DLGAP2: variants seen among roughly 807,000 people sequenced by gnomAD.
DLGAP2 encodes disks large-associated protein 2.
In DLGAP2, 26 loss-of-function variants were observed where a neutral mutation model predicts 100.3. The observed-to-expected ratio is 0.26, with a 90% CI of 0.19 to 0.36. The LOEUF (loss-of-function observed/expected upper bound fraction) is 0.36. Among genes scored for constraint, DLGAP2 ranks in the 10% least tolerant of loss-of-function variants. The probability of loss-of-function intolerance (pLI) is 1.00; values close to 1 mark genes in which losing one functional copy is unlikely to be tolerated. For synonymous variants in DLGAP2, 886 were observed against 630.1 expected (o/e 1.41, Z -6.08); for missense variants, 1,858 against 1,453.2 (o/e 1.28, Z -4.53).
At chr8:1,454,520 A>G (rs974410037) in intron 3 of DLGAP2, among the ~76,000 whole-genome samples, 1 of 152,202 alleles carries the variant, frequency 6.6e-6, no homozygotes, top group Non-Finnish European at 1.5e-5. Context: ...GGAGAGGAGC[A>G]GAAAACACTG....
At chr8:1,331,837 G>A (rs905084125) in intron 3 of DLGAP2, among the ~76,000 whole-genome samples, 1 of 152,174 alleles carries the variant, frequency 6.6e-6, no homozygotes, top group African/African-American at 2.4e-5. Flanking sequence ...AGGAGCAGAG[G>A]GAGAGTGGCT....
chr8:1,671,999 C>T (rs1483056331), intron 10 of DLGAP2, among the ~76,000 whole-genome samples: 2 of 152,196 alleles, frequency 1.3e-5, no homozygotes, highest in East Asian at 1.9e-4. Context: ...TTTGTGTATT[C>T]ACTTTCGTTT....
chr8:1,286,026 A>G (rs1317769305), intron 3 of DLGAP2, among the ~76,000 whole-genome samples: 7 of 152,040 alleles, frequency 4.6e-5, no homozygotes, highest in South Asian at 2.1e-4. Context: ...ACCAACTGAT[A>G]TGGTTTGGAT....
chr8:927,114 G>A, intron 2 of DLGAP2: 8 of 985,460 alleles, frequency 8.1e-6, no homozygotes, highest in Non-Finnish European at 9.6e-6. Flanking sequence ...AAAGACTTCG[G>A]AGCAAACTAA....
intron 6 of DLGAP2, among the ~76,000 whole-genome samples, chr8:1,593,307 T>C (rs1174514950): frequency 1.3e-5 from 2 of 151,584 alleles, no homozygotes; most frequent in East Asian, 3.9e-4. Context: ...ACAAAACAAT[T>C]AGCTGGGCGT....
chr8:1,536,866 C>T (rs1250268977), intron 4 of DLGAP2, among the ~76,000 whole-genome samples: 1 of 152,138 alleles, frequency 6.6e-6, no homozygotes, highest in East Asian at 1.9e-4. Context: ...TGGCCAGGCC[C>T]AGGAGGCGAC....
At chr8:1,235,540 CTCTCACATGGCGCCATGTCTAGT>C (rs796835290) in intron 2 of DLGAP2, among the ~76,000 whole-genome samples, 4 of 25,370 alleles carry the variant, frequency 1.6e-4, no homozygotes, top group African/African-American at 2.8e-4. Context: ...ATGTCTAGTT[CTCTCACATGGCGCCATGTCTAGT>C]TCTCTCACAT....
chr8:1,029,180 G>A (rs1224302857), intron 2 of DLGAP2, among the ~76,000 whole-genome samples: 2 of 152,154 alleles, frequency 1.3e-5, no homozygotes, highest in East Asian at 3.9e-4. Context: ...GCAGGCAGCG[G>A]GAGGGCTCTG....
At chr8:1,093,480 T>G (rs1166779436) in intron 2 of DLGAP2, among the ~76,000 whole-genome samples, 5 of 141,186 alleles carry the variant, frequency 3.5e-5, no homozygotes, top group Admixed American at 3.5e-4. Flanking sequence ...CAGAAACACC[T>G]TCACACCGAC....
chr8:1,195,096 C>T (rs979220054), intron 2 of DLGAP2, among the ~76,000 whole-genome samples: 1 of 152,264 alleles, frequency 6.6e-6, no homozygotes, highest in East Asian at 1.9e-4. Flanking sequence ...AGGCCCCCGG[C>T]ATCCTCATGG....
intron 3 of DLGAP2, among the ~76,000 whole-genome samples, chr8:1,428,241 T>G (rs185605867): frequency 3.3e-5 from 5 of 152,178 alleles, no homozygotes; most frequent in Non-Finnish European, 7.4e-5. Flanking sequence ...ATTAGAAATA[T>G]AATTTTTTGA....
chr8:865,836 C>T (rs987992791), intron 1 of DLGAP2, among the ~76,000 whole-genome samples: 2 of 152,114 alleles, frequency 1.3e-5, no homozygotes, highest in Admixed American at 6.5e-5. Flanking sequence ...CCTGAGCTTG[C>T]CCCCTCAGAG....
chr8:848,075 C>T (rs1436110244), intron 1 of DLGAP2, among the ~76,000 whole-genome samples: 10 of 152,158 alleles, frequency 6.6e-5, no homozygotes, highest in Admixed American at 6.5e-4. Context: ...TGCTCCCAGC[C>T]ACAGGCACCT....
At chr8:1,559,071 T>A (rs1802072714) in intron 5 of DLGAP2, among the ~76,000 whole-genome samples, 1 of 152,244 alleles carries the variant, frequency 6.6e-6, no homozygotes, top group Admixed American at 6.5e-5. Flanking sequence ...AGTGTTGAAC[T>A]ATCCCTAAAG....
chr8:1,614,109 C>A (rs186757150), intron 6 of DLGAP2, among the ~76,000 whole-genome samples: 1 of 152,132 alleles, frequency 6.6e-6, no homozygotes, highest in Non-Finnish European at 1.5e-5. Flanking sequence ...CTGGCTTCAG[C>A]GGTGACTGAG....
chr8:1,242,244 G>A (rs1294505924), intron 2 of DLGAP2, among the ~76,000 whole-genome samples: 1 of 152,210 alleles, frequency 6.6e-6, no homozygotes, highest in Non-Finnish European at 1.5e-5. Context: ...ATGTGTTTGT[G>A]GAAGAGGGGA....
At position 1,050,865 on chromosome 8, in the gene DLGAP2, C is replaced by T. The variant is rs1049019803; in HGVS notation, c.73+142899C>T. 1.3e-4 allele frequency among the ~76,000 whole-genome samples: 19 copies of T among 151,854 alleles called. 1 individual carries two copies. Among genetic ancestry groups the T allele is most frequent in the Non-Finnish European group, 2.2e-4 (15 of 67,998 alleles). ...TGCTTCCCCATAGATTTCCATGCGG[C>T]AGTGTGTGATGAGCTTGTGTGACCT... On this transcript the variant is annotated intron_variant, in intron 2 of 14. Transcript: ENST00000637795.
At chr8:785,533 C>T (rs376032088) in intron 1 of DLGAP2, among the ~76,000 whole-genome samples, 6 of 143,734 alleles carry the variant, frequency 4.2e-5, no homozygotes, top group African/African-American at 5.2e-5. Context: ...GACCGGCTTC[C>T]CTCCTCCCCT....
intron 1 of DLGAP2, among the ~76,000 whole-genome samples, chr8:892,718 C>T (rs988900155): frequency 6.6e-6 from 1 of 152,174 alleles, no homozygotes; most frequent in African/African-American, 2.4e-5. Flanking sequence ...GACCGGGAAC[C>T]ACCAGGCGGG....
Sources: allele counts gnomAD v4.1 joint callset (sites outside exome capture counted in the v4.1 genomes callset), GRCh38; gene constraint gnomAD v4.1.1; transcripts MANE v1.5; gene names NCBI Gene and HGNC (gene_info 2026-07-23, HGNC 2026-07-21).